Variants in LPGAT1 observed in about 807,000 individuals in gnomAD.
LPGAT1 encodes the protein acyl-CoA:lysophosphatidylglycerol acyltransferase 1.
In LPGAT1, 11 loss-of-function variants were observed where a neutral mutation model predicts 47.5. The observed-to-expected ratio is 0.23, with a 90% CI of 0.15 to 0.38. LPGAT1 has a LOEUF of 0.38. Ranked by LOEUF, LPGAT1 falls within the 10% of genes least tolerant of loss-of-function variation. The pLI, the probability that LPGAT1 is intolerant of heterozygous loss-of-function variation, is 1.00. For missense variants in LPGAT1, 293 were observed against 439.0 expected, an observed-to-expected ratio of 0.67 and a Z score of 2.97; for synonymous variants, 138 against 144.2, an observed-to-expected ratio of 0.96 and a Z score of 0.31.
At chr1:211,779,480 A>G (rs758948021) in intron 5 of LPGAT1, among the ~76,000 whole-genome samples, 14 of 152,236 alleles carry the variant, frequency 9.2e-5, no homozygotes, top group Admixed American at 4.6e-4. Context: ...GATACTGAGG[A>G]TGGGCATTAA....
chr1:211,809,565 G>A (rs1659891004), intron 2 of LPGAT1, among the ~76,000 whole-genome samples: 2 of 152,110 alleles, frequency 1.3e-5, no homozygotes, highest in Non-Finnish European at 2.9e-5. Flanking sequence ...CATGTGTCGT[G>A]GGAGGGACCT....
intron 4 of LPGAT1, among the ~76,000 whole-genome samples, chr1:211,786,971 A>G (rs1373691318): frequency 6.6e-6 from 1 of 152,164 alleles, no homozygotes; most frequent in Non-Finnish European, 1.5e-5. Flanking sequence ...GGGATACTAC[A>G]TATTATTCAA....
chr1:211,796,519 G>A (rs1326752548), intron 2 of LPGAT1, among the ~76,000 whole-genome samples: 2 of 152,204 alleles, frequency 1.3e-5, no homozygotes, highest in Non-Finnish European at 1.5e-5. Flanking sequence ...TCTTTCGAGA[G>A]AGCATGGCCC....
chr1:211,829,781 A>G, intron 1 of LPGAT1: 1 of 991,724 alleles, frequency 1.0e-6, no homozygotes, highest in African/African-American at 1.7e-5. Flanking sequence ...CGATTCCTGC[A>G]CACCGATGCA....
chr1:211,754,014 G>A (rs576819356), intron 6 of LPGAT1, among the ~76,000 whole-genome samples: 2 of 152,132 alleles, frequency 1.3e-5, no homozygotes, highest in African/African-American at 2.4e-5. Flanking sequence ...CTAGCTTTCC[G>A]GTAGCCAGTG....
At chr1:211,788,938 T>C (rs530753585) in intron 3 of LPGAT1, among the ~76,000 whole-genome samples, 2 of 152,340 alleles carry the variant, frequency 1.3e-5, no homozygotes, top group East Asian at 3.9e-4. Context: ...GTGCTGCTTT[T>C]ATAAAAGCAT....
At chr1:211,794,249 T>C (rs1208511952) in intron 2 of LPGAT1, among the ~76,000 whole-genome samples, 1 of 152,224 alleles carries the variant, frequency 6.6e-6, no homozygotes, top group African/African-American at 2.4e-5. Flanking sequence ...ACGTACATTC[T>C]AAGGGAAACA....
chr1:211,770,145 T>C (rs1658102293), intron 6 of LPGAT1, among the ~76,000 whole-genome samples: 1 of 152,214 alleles, frequency 6.6e-6, no homozygotes, highest in African/African-American at 2.4e-5. Context: ...CTAATGGACA[T>C]TTAGATTATT....
chr1:211,776,401 G>A (rs1484666351), intron 6 of LPGAT1, among the ~76,000 whole-genome samples: 1 of 152,118 alleles, frequency 6.6e-6, no homozygotes, highest in Non-Finnish European at 1.5e-5. Flanking sequence ...GCCAGGCATG[G>A]TGGTATGTGC....
At chr1:211,752,017 C>T (rs1333467186) in intron 6 of LPGAT1, among the ~76,000 whole-genome samples, 1 of 152,208 alleles carries the variant, frequency 6.6e-6, no homozygotes, top group East Asian at 1.9e-4. Flanking sequence ...TATGCACATT[C>T]TTCCCATCTT....
rs1656865213 is a variant in LPGAT1, at chr1:211,744,525, G to A, written c.*5374C>T. On this transcript the variant is annotated 3_prime_UTR_variant, in exon 8 of 8. Transcript: ENST00000366997. Reference sequence around the variant, plus strand: ...CACAGTTGAAAGACAATCAATCATAGGTTGACTGTAGGAGTTGAGCAAAAA... The same window carrying A: ...CACAGTTGAAAGACAATCAATCATAAGTTGACTGTAGGAGTTGAGCAAAAA... 1 of 152,172 alleles carries A rather than the reference G, an allele frequency of 6.6e-6. No individual in the cohort carries two copies. Among genetic ancestry groups the A allele is most frequent in the African/African-American group, 2.4e-5 (1 of 41,448 alleles). The allele number at this position is 152,172 out of a possible 1,614,324, so 9.4% of individuals were successfully genotyped here. A position where few individuals can be genotyped will look rare whatever the true frequency, so the allele number is the denominator to read the frequency against.
rs1658941231 is a variant in LPGAT1 at position 211,787,664 on chromosome 1, A to C, written c.421T>G (p.Ser141Ala). 1.2e-6 allele frequency: 2 copies of C among 1,608,758 alleles called. No homozygotes were observed. The highest frequency in any genetic ancestry group is 1.7e-6 in the Non-Finnish European group (2 of 1,176,682). Residue 141 changes from serine to alanine, a missense_variant, in exon 4 of 8, where the codon TCT (serine) becomes GCT (alanine). By Grantham distance (99) the Ser-to-Ala change is moderately conservative. Coordinates refer to ENST00000366997, the MANE Select transcript of LPGAT1 (RefSeq NM_014873.3). ...ATAAAGAAGTCTCCATGAACTAGAG[A>C]AACAATTCCAAAGTTTGTGTACTTA... ...IFKYTNFGIV[S>A]LVHGDFFIRQ...
chr1:211,797,311 C>CTTTTTTTTT (rs200601647), intron 2 of LPGAT1, among the ~76,000 whole-genome samples: 1 of 122,644 alleles, frequency 8.2e-6, no homozygotes, highest in Non-Finnish European at 1.7e-5. Flanking sequence ...CTTTCCTTTT[C>CTTTTTTTTT]TTTTTTTTTT....
intron 2 of LPGAT1, among the ~76,000 whole-genome samples, chr1:211,813,843 A>G (rs571450853): frequency 6.6e-6 from 1 of 152,328 alleles, no homozygotes; most frequent in East Asian, 1.9e-4. Flanking sequence ...TACATGAAAG[A>G]AGAAAGAACC....
At chr1:211,808,727 C>T (rs1659854328) in intron 2 of LPGAT1, among the ~76,000 whole-genome samples, 1 of 152,136 alleles carries the variant, frequency 6.6e-6, no homozygotes, top group Non-Finnish European at 1.5e-5. Context: ...GGATATTTAC[C>T]CTGGAGCAGA....
At position 211,778,994 on chromosome 1, in the gene LPGAT1, G is replaced by T; in HGVS notation, c.778C>A (p.Pro260Thr). 4.3e-6 allele frequency: 7 copies of T among 1,610,136 alleles called. No homozygotes were observed. Among genetic ancestry groups the T allele is most frequent in the Non-Finnish European group, 5.9e-6 (7 of 1,178,678 alleles). ...QWIIDTTIAY[P>T]KAEPIDIQTW... is the part of the protein sequence containing the mutation. ...TGAATATCTATAGGTTCAGCTTTGG[G>T]ATAAGCTATCGTTGTATCTATTATC... The change falls in exon 6 of 8, where the codon CCC becomes ACC. Residue 260 changes from proline to threonine, a missense_variant. Transcript: ENST00000366997.
intron 3 of LPGAT1, among the ~76,000 whole-genome samples, chr1:211,791,133 G>A (rs1659095620): frequency 6.6e-6 from 1 of 152,106 alleles, no homozygotes; most frequent in Admixed American, 6.5e-5. Flanking sequence ...ACATTCCAGT[G>A]AGATTATCCC....
At chr1:211,779,423 A>C (rs1438635847) in intron 5 of LPGAT1, among the ~76,000 whole-genome samples, 1 of 151,644 alleles carries the variant, frequency 6.6e-6, no homozygotes, top group East Asian at 2.0e-4. Flanking sequence ...ACAAAACAAA[A>C]TCATTCACTA....
At chr1:211,802,751 T>C (rs1008986391) in intron 2 of LPGAT1, among the ~76,000 whole-genome samples, 2 of 152,014 alleles carry the variant, frequency 1.3e-5, no homozygotes, top group African/African-American at 2.4e-5. Flanking sequence ...TAAAGAGCAT[T>C]TGAGGGTGTG....
Sources: gnomAD v4.1 joint callset for allele counts (sites outside exome capture counted in the v4.1 genomes callset) on GRCh38, gnomAD v4.1.1 for gene constraint, MANE v1.5 for transcripts, NCBI Gene and HGNC (gene_info 2026-07-23, HGNC 2026-07-21) for gene names.